TTC39B: variants seen among roughly 807,000 people sequenced by gnomAD.
TTC39B encodes the protein tetratricopeptide repeat domain 39B.
In TTC39B, 92 loss-of-function variants were observed where a neutral mutation model predicts 96.6. That is an observed-to-expected ratio of 0.95 (90% confidence interval 0.80 to 1.13). TTC39B has a LOEUF of 1.13. Ranked by LOEUF, TTC39B falls within the 50% of genes most tolerant of loss-of-function variation. The probability of loss-of-function intolerance (pLI) is 0.00; values close to 1 mark genes in which losing one functional copy is unlikely to be tolerated. For synonymous variants in TTC39B, 367 were observed against 299.4 expected (o/e 1.23, Z -2.33); for missense variants, 955 against 809.3 (o/e 1.18, Z -2.18).
chr9:15,255,700 T>C (rs917377608), intron 2 of TTC39B, among the ~76,000 whole-genome samples: 8 of 152,156 alleles, frequency 5.3e-5, no homozygotes, highest in African/African-American at 1.9e-4. Flanking sequence ...AAGTGAAAAC[T>C]GAGTCAGCCC....
intron 3 of TTC39B, among the ~76,000 whole-genome samples, chr9:15,225,686 G>T (rs1356876100): frequency 6.6e-6 from 1 of 152,152 alleles, no homozygotes; most frequent in Non-Finnish European, 1.5e-5. Flanking sequence ...GTGCCCCAAA[G>T]TTGAATTTTG....
At chr9:15,186,821 A>T in intron 15 of TTC39B, 123 bp downstream of exon 15, 1 of 844,480 alleles carries the variant, frequency 1.2e-6, no homozygotes, top group Non-Finnish European at 2.0e-6. Flanking sequence ...TAAGCTTCCC[A>T]AGTAGCTGGG....
At chr9:15,230,750 C>G (rs147943477) in intron 2 of TTC39B, among the ~76,000 whole-genome samples, 96 of 152,086 alleles carry the variant, frequency 6.3e-4, no homozygotes, top group Middle Eastern at 3.4e-3. Context: ...TTTGGGAGGC[C>G]GAGGAGGGCA....
At chr9:15,213,501 T>C (rs1586886368) in intron 4 of TTC39B, among the ~76,000 whole-genome samples, 1 of 152,130 alleles carries the variant, frequency 6.6e-6, no homozygotes, top group Admixed American at 6.5e-5. Flanking sequence ...CCACTCAAAG[T>C]AAGGAACGAG....
chr9:15,225,201 G>T (rs748095979), intron 3 of TTC39B, among the ~76,000 whole-genome samples: 1 of 151,874 alleles, frequency 6.6e-6, no homozygotes, highest in Non-Finnish European at 1.5e-5. Flanking sequence ...AAAATATCAC[G>T]ATATATTAAA....
chr9:15,175,126 T>C, exon 19 of TTC39B: 1 of 1,610,678 alleles, frequency 6.2e-7, no homozygotes, highest in Non-Finnish European at 8.5e-7. Flanking sequence ...CATACTTCAG[T>C]AGCTTTTCAC....
At chr9:15,207,120 C>A (rs1819909405) in intron 6 of TTC39B, among the ~76,000 whole-genome samples, 1 of 152,206 alleles carries the variant, frequency 6.6e-6, no homozygotes, top group African/African-American at 2.4e-5. Flanking sequence ...GAGGTCTCCC[C>A]AGCTATGCAG....
At chr9:15,171,129 C>T (rs997446080) in exon 20 of TTC39B, 1 of 152,146 alleles carries the variant, frequency 6.6e-6, no homozygotes, top group South Asian at 2.1e-4. Context: ...AGATTATCTA[C>T]AAGGAGACAT....
chr9:15,305,301 C>A (rs1041379320), intron 1 of TTC39B, among the ~76,000 whole-genome samples: 1 of 152,192 alleles, frequency 6.6e-6, no homozygotes, highest in African/African-American at 2.4e-5. Context: ...AAAACTATGC[C>A]TTCTCTAAGG....
At chr9:15,224,566 T>C (rs1282536069) in intron 3 of TTC39B, 1 of 152,260 alleles carries the variant, frequency 6.6e-6, no homozygotes, top group Non-Finnish European at 1.5e-5. Context: ...AGACTTCCAG[T>C]CTACAGATGC....
chr9:15,298,922 A>G (rs963237624), intron 1 of TTC39B, among the ~76,000 whole-genome samples: 2 of 152,070 alleles, frequency 1.3e-5, no homozygotes, highest in Admixed American at 6.6e-5. Context: ...CCTTCCCCAC[A>G]TCACTTCTCC....
intron 15 of TTC39B, among the ~76,000 whole-genome samples, chr9:15,186,268 T>A (rs1471772693): frequency 1.3e-5 from 2 of 152,224 alleles, no homozygotes; most frequent in Non-Finnish European, 1.5e-5. Flanking sequence ...TCTCATCATT[T>A]TTGTTCATTA....
intron 15 of TTC39B, among the ~76,000 whole-genome samples, chr9:15,186,271 G>T (rs1189929516): frequency 1.3e-5 from 2 of 152,136 alleles, no homozygotes; most frequent in South Asian, 4.1e-4. Flanking sequence ...CATCATTTTT[G>T]TTCATTACCG....
At chr9:15,267,361 A>G (rs1038324701) in intron 2 of TTC39B, among the ~76,000 whole-genome samples, 3 of 152,274 alleles carry the variant, frequency 2.0e-5, no homozygotes, top group African/African-American at 7.2e-5. Flanking sequence ...CTTTTAATTC[A>G]GTAATCCTAC....
intron 2 of TTC39B, among the ~76,000 whole-genome samples, chr9:15,262,609 A>G (rs1010161311): frequency 2.6e-5 from 4 of 152,290 alleles, no homozygotes; most frequent in East Asian, 3.9e-4. Context: ...AAATAACACA[A>G]TCGTTACCAC....
intron 3 of TTC39B, among the ~76,000 whole-genome samples, chr9:15,219,198 T>C (rs1213573009): frequency 1.3e-5 from 2 of 152,236 alleles, no homozygotes; most frequent in African/African-American, 4.8e-5. Context: ...ATCTGTAAGA[T>C]AGGGATCATT....
At chr9:15,212,543 G>A (rs1383970574) in intron 4 of TTC39B, among the ~76,000 whole-genome samples, 7 of 152,008 alleles carry the variant, frequency 4.6e-5, no homozygotes, top group African/African-American at 1.5e-4. Flanking sequence ...CTCCTGCCTC[G>A]GCTTCCCGAG....
chr9:15,267,355 T>C (rs911455722), intron 2 of TTC39B, among the ~76,000 whole-genome samples: 2 of 152,270 alleles, frequency 1.3e-5, no homozygotes, highest in Non-Finnish European at 2.9e-5. Context: ...TCATCCCTTT[T>C]AATTCAGTAA....
intron 8 of TTC39B, among the ~76,000 whole-genome samples, chr9:15,197,686 G>C (rs575349818): frequency 6.6e-6 from 1 of 152,200 alleles, no homozygotes; most frequent in South Asian, 2.1e-4. Flanking sequence ...ACCACACTTA[G>C]GCACATCATA....
Sources: gnomAD v4.1 joint callset for allele counts (sites outside exome capture counted in the v4.1 genomes callset) on GRCh38, gnomAD v4.1.1 for gene constraint, MANE v1.5 for transcripts, NCBI Gene and HGNC (gene_info 2026-07-23, HGNC 2026-07-21) for gene names.